DOP1B: variants seen among roughly 807,000 people sequenced by gnomAD.
DOP1B encodes DOP1 leucine zipper like protein B.
A neutral mutation model predicts 233.5 loss-of-function variants in DOP1B; 174 were observed. The observed-to-expected ratio is 0.75, with a 90% confidence interval of 0.66 to 0.85. The LOEUF is 0.85. Ranked by LOEUF, DOP1B falls within the 40% of genes least tolerant of loss-of-function variation. DOP1B has a pLI of 0.00. For synonymous variants in DOP1B, 1,190 were observed against 1,185.6 expected (o/e 1.00, Z -0.08); for missense variants, 2,652 against 2,846.6 (o/e 0.93, Z 1.56).
rs376850122 is a variant in DOP1B at position 36,245,830 on chromosome 21, C to T, written c.3850C>T (p.Arg1284Cys). Residue 1284 changes from arginine (R) to cysteine (C), a missense_variant, in exon 19 of 37, where the codon CGC (arginine) becomes TGC (cysteine). Arg to Cys is a radical substitution (Grantham distance 180). This residue lies in a region of DOP1B where 2,617 missense variants were observed against 2,794.3 expected (regional missense o/e 0.94). Transcript: ENST00000691173. The surrounding 1 kb of genome is among the most constrained non-coding windows in gnomAD (Gnocchi z 5.5). ...CAACCTCATCTCCAACCTCCTCGCT[C>T]GCCACCAGGAGGCCCTCATTGGCCA... ...HLNLISNLLARHQEALIGQSF... is the reference protein window; with the variant it reads ...HLNLISNLLACHQEALIGQSF... The T allele has an allele frequency of 8.7e-6, 14 of 1,613,840 alleles. No homozygotes were observed. Among genetic ancestry groups the T allele is most frequent in the African/African-American group, 2.7e-5 (2 of 74,888 alleles).
At chr21:36,244,019 CTT>C (rs35020490) in intron 18 of DOP1B, among the ~76,000 whole-genome samples, 900 of 70,518 alleles carry the variant, frequency 0.013, 2 homozygotes, top group Middle Eastern at 0.026. Context: ...TTTTCCTTTC[CTT>C]TTTTTTTTTT....
chr21:36,277,951 T>G, intron 28 of DOP1B, 24 bp from the exon 29 acceptor site: 1 of 1,603,144 alleles, frequency 6.2e-7, no homozygotes, highest in Non-Finnish European at 8.5e-7. Context: ...CAGTTTCTGT[T>G]TTCTTAGGGC....
chr21:36,271,308 A>G, intron 27 of DOP1B, among the ~76,000 whole-genome samples: 1 of 147,444 alleles, frequency 6.8e-6, no homozygotes, highest in Non-Finnish European at 1.5e-5. Context: ...CCCAGGTTGG[A>G]GTTCACCCAG....
At position 36,245,196 on chromosome 21, in the gene DOP1B, G is replaced by T; in HGVS notation, c.3216G>T (p.Glu1072Asp). The T allele has an allele frequency of 1.9e-6, 3 of 1,614,082 alleles. No individual in the cohort carries two copies. The highest frequency in any genetic ancestry group is 2.5e-6 in the Non-Finnish European group (3 of 1,180,034). ...GTGAAGCCATTTGGGCCGAAGTGGAGAAGGAGCCCGAGAAGTACCCGCTGC... is the reference window on the plus strand; with the variant it reads ...GTGAAGCCATTTGGGCCGAAGTGGATAAGGAGCCCGAGAAGTACCCGCTGC... Reference protein sequence around the residue: ...VDREAIWAEVEKEPEKYPLRG... With the variant: ...VDREAIWAEVDKEPEKYPLRG... The change falls in exon 19 of 37, where the codon GAG (glutamate) becomes GAT (aspartate). Residue 1072 changes from glutamate (E) to aspartate (D), a missense_variant. Coordinates refer to ENST00000691173, the MANE Select transcript of DOP1B (RefSeq NM_001320714.2). This position sits in a 1 kb window ranked among gnomAD's most constrained non-coding sequence, Gnocchi z 5.5.
rs191568912 is a variant in DOP1B at position 36,200,583 on chromosome 21, C to A, written c.491+82C>A. 1.4e-4 allele frequency: 208 copies of A among 1,478,490 alleles called. 1 individual carries two copies. The African/African-American group carries it at 2.5e-3, about 18-fold the overall frequency. 91.6% of individuals were successfully genotyped at this position (1,478,490 alleles called of 1,614,324 possible). A position where few individuals can be genotyped will look rare whatever the true frequency, so the allele number is the denominator to read the frequency against. ...AGGGGGCCGGGCGCAGTGGCTCACG[C>A]CTGTAATCCCAGCACTTTGGAAGGC... On this transcript the variant is annotated intron_variant, in intron 4 of 36. Transcript: ENST00000691173.
At chr21:36,287,360 T>G (rs2067497122) in intron 32 of DOP1B, among the ~76,000 whole-genome samples, 1 of 152,120 alleles carries the variant, frequency 6.6e-6, no homozygotes, top group South Asian at 2.1e-4. Flanking sequence ...CTGCTTGGTT[T>G]CTGCGTCTCC....
chr21:36,180,415 A>G (rs962457312), intron 2 of DOP1B, among the ~76,000 whole-genome samples: 2 of 151,750 alleles, frequency 1.3e-5, no homozygotes, highest in African/African-American at 2.4e-5. Context: ...CCAAAAATAC[A>G]AAAAATTAGC....
chr21:36,247,616 C>A lies in DOP1B; in HGVS notation c.4797C>A (p.Asn1599Lys). 1 of 1,577,534 alleles carries A rather than the reference C, an allele frequency of 6.3e-7. No homozygotes were observed. The highest frequency in any genetic ancestry group is 8.5e-7 in the Non-Finnish European group (1 of 1,171,886). Residue 1599 changes from asparagine to lysine, a missense_variant, in exon 20 of 37, where the codon AAC becomes AAA. By Grantham distance (94) the Asn-to-Lys change is moderately conservative. Around this residue, in one of 3 missense-constraint regions of DOP1B, gnomAD observed 2,617 missense variants for 2,794.3 expected, o/e 0.94. Coordinates refer to ENST00000691173, the MANE Select transcript of DOP1B (RefSeq NM_001320714.2). ...ATTTTTGTCTTTTGGAACAAGCCAA[C>A]CAAAACAAAAAGGTAAATTTTTTTT... ...ISHFCLLEQA[N>K]QNKKTMAAGD...
At chr21:36,217,895 T>C (rs535627035) in intron 9 of DOP1B, among the ~76,000 whole-genome samples, 2 of 152,354 alleles carry the variant, frequency 1.3e-5, no homozygotes, top group Non-Finnish European at 1.5e-5. Context: ...ATGTGTGTTT[T>C]ATGTCAAAGC....
At chr21:36,280,548 G>A (rs373136617) in intron 31 of DOP1B, among the ~76,000 whole-genome samples, 10 of 152,252 alleles carry the variant, frequency 6.6e-5, no homozygotes, top group Non-Finnish European at 1.2e-4. Flanking sequence ...AGAACGCCAC[G>A]ACAACCTTTT....
chr21:36,240,098 A>C, intron 18 of DOP1B, 143 bp downstream of exon 18: 1 of 978,144 alleles, frequency 1.0e-6, no homozygotes, highest in Non-Finnish European at 1.5e-6. Context: ...GGACTTCGGC[A>C]ATTTAAGGAC....
At chr21:36,200,310 C>G (rs377023049) in intron 3 of DOP1B, 21 bp from the exon 4 acceptor site, 132 of 1,560,384 alleles carry the variant, frequency 8.5e-5, no homozygotes, top group Non-Finnish European at 1.1e-4. Flanking sequence ...CTGCCCCGCT[C>G]CCTCTCGTTC....
chr21:36,164,685 G>T, intron 1 of DOP1B, 23 bp from the exon 2 acceptor site: 1 of 1,511,274 alleles, frequency 6.6e-7, no homozygotes, highest in Non-Finnish European at 8.9e-7. Flanking sequence ...CTCTCATTTG[G>T]TTATTTTTTG....
At chr21:36,248,710 T>C (rs2066998167) in intron 21 of DOP1B, 142 bp downstream of exon 21, 2 of 829,422 alleles carry the variant, frequency 2.4e-6, no homozygotes, top group African/African-American at 3.5e-5. Flanking sequence ...AAATCTCTAG[T>C]TCATTTGTTA....
In DOP1B at chr21:36,293,530, G is replaced by C; in HGVS notation, c.6856G>C (p.Glu2286Gln). The C allele has an allele frequency of 6.2e-7, 1 of 1,614,124 alleles. No homozygotes were observed. Among genetic ancestry groups the C allele is most frequent in the Non-Finnish European group, 8.5e-7 (1 of 1,179,986 alleles). ...DSPRILKQLE[E>Q]CIEYDFLEHP... Reference sequence around the variant, plus strand: ...CCCAAGGATCTTAAAACAACTGGAAGAATGCATCGAATATGATTTTCTGGA... The same window carrying C: ...CCCAAGGATCTTAAAACAACTGGAACAATGCATCGAATATGATTTTCTGGA... Residue 2286 changes from glutamate to glutamine, a missense_variant, in exon 37 of 37, where the codon GAA becomes CAA. Transcript: ENST00000691173.
chr21:36,214,631 GAT>G, intron 9 of DOP1B, 75 bp downstream of exon 9: 1 of 1,249,756 alleles, frequency 8.0e-7, no homozygotes, highest in South Asian at 1.3e-5. Context: ...AACATGGTGA[GAT>G]ACAACCAAAG....
chr21:36,249,036 C>T (rs1018782441), intron 21 of DOP1B, among the ~76,000 whole-genome samples: 35 of 151,370 alleles, frequency 2.3e-4, no homozygotes, highest in Non-Finnish European at 4.6e-4. Context: ...ACCTGGGAGG[C>T]GGAGGTTGCA....
In DOP1B at chr21:36,245,212, T is replaced by C; in HGVS notation, c.3232T>C (p.Tyr1078His). Residue 1078 changes from tyrosine (Y) to histidine (H), a missense_variant, in exon 19 of 37, where the codon TAC becomes CAC. Coordinates refer to ENST00000691173, the MANE Select transcript of DOP1B (RefSeq NM_001320714.2). This position sits in a 1 kb window ranked among gnomAD's most constrained non-coding sequence, Gnocchi z 5.5. ...CGAAGTGGAGAAGGAGCCCGAGAAG[T>C]ACCCGCTGCGAGGCGAGCTGAGCGA... ...WAEVEKEPEK[Y>H]PLRGELSEEE... 1 of 1,613,964 alleles carries C rather than the reference T, an allele frequency of 6.2e-7. No individual in the cohort carries two copies. Among genetic ancestry groups the C allele is most frequent in the Non-Finnish European group, 8.5e-7 (1 of 1,180,026 alleles).
intron 9 of DOP1B, among the ~76,000 whole-genome samples, chr21:36,218,976 C>G (rs2066593154): frequency 6.6e-6 from 1 of 152,232 alleles, no homozygotes. Context: ...TTTATGCACA[C>G]TTAACACACG....
Sources: allele counts gnomAD v4.1 joint callset (sites outside exome capture counted in the v4.1 genomes callset), GRCh38; gene constraint gnomAD v4.1.1; regional missense constraint gnomAD v4.1.1; non-coding constraint Gnocchi (gnomAD v3.1); transcripts MANE v1.5; gene names NCBI Gene and HGNC (gene_info 2026-07-23, HGNC 2026-07-21).